Variants in CACNA1D observed in about 807,000 individuals in gnomAD.
CACNA1D encodes the protein voltage-dependent L-type calcium channel subunit alpha-1D.
Under a neutral mutation model 257.1 loss-of-function variants are expected in CACNA1D, and 55 were observed. The observed-to-expected ratio is 0.21, with a 90% CI of 0.17 to 0.27. CACNA1D has a LOEUF of 0.27. Ranked by LOEUF, CACNA1D falls within the 10% of genes least tolerant of loss-of-function variation. The pLI is 1.00. For missense variants in CACNA1D, 1,876 were observed against 2,784.0 expected (o/e 0.67, Z 7.34); for synonymous variants, 980 against 1,014.9 (o/e 0.97, Z 0.65).
chr3:53,791,179 C>A, intron 40 of CACNA1D: 1 of 602,212 alleles, frequency 1.7e-6, no homozygotes. Context: ...AGCACTCCTC[C>A]GGAAGGTGGA....
intron 3 of CACNA1D, among the ~76,000 whole-genome samples, chr3:53,636,394 C>T (rs1283602128): frequency 6.6e-6 from 1 of 152,190 alleles, no homozygotes; most frequent in East Asian, 1.9e-4. Flanking sequence ...ACCACGGCCT[C>T]CTGGGTTCAA....
At chr3:53,721,175 C>G (rs931941197) in intron 11 of CACNA1D, among the ~76,000 whole-genome samples, 9 of 152,232 alleles carry the variant, frequency 5.9e-5, no homozygotes, top group Admixed American at 2.6e-4. Context: ...TTAGAAGCTG[C>G]TCTTTCCATT....
Position 53,811,475 on chromosome 3 carries a change from ATAGT to A in CACNA1D, c.*73_*76del. On this transcript the variant is annotated 3_prime_UTR_variant, in exon 48 of 48. Coordinates refer to ENST00000350061, the MANE Select transcript of CACNA1D (RefSeq NM_001128840.3). This position sits in a 1 kb window ranked among gnomAD's most constrained non-coding sequence, Gnocchi z 4.2. ...AGGAGAGCCAGGGGAAAAGTGCCTC[ATAGT>A]TAGGAAAGTTTAGGCACTAGTTGGG... 7.4e-7 allele frequency: 1 copy of A among 1,347,738 alleles called. No individual in the cohort carries two copies. The highest frequency in any genetic ancestry group is 1.0e-6 in the Non-Finnish European group (1 of 1,000,322). The allele number at this position is 1,347,738 out of a possible 1,614,324, so 83.5% of individuals were successfully genotyped here. A position where few individuals can be genotyped will look rare whatever the true frequency, so the allele number is the denominator to read the frequency against.
At position 53,776,080 on chromosome 3, in the gene CACNA1D, C is replaced by T. The variant is rs2095395256; in HGVS notation, c.4362+35C>T. 2.5e-6 allele frequency: 4 copies of T among 1,590,866 alleles called. No individual in the cohort carries two copies. The East Asian group carries it at 6.7e-5, about 27-fold the overall frequency. On this transcript the variant is annotated intron_variant, in intron 35 of 47. Coordinates refer to ENST00000350061, the MANE Select transcript of CACNA1D (RefSeq NM_001128840.3). The stretch of plus-strand genomic sequence containing the variant: ...CAACACAGCTCCCCCTCTCAATTTA[C>T]AGATGCTTATGTAGCAGTCAGCGTT...
chr3:53,511,612 G>A (rs970108745), intron 3 of CACNA1D, among the ~76,000 whole-genome samples: 1 of 152,108 alleles, frequency 6.6e-6, no homozygotes, highest in African/African-American at 2.4e-5. Context: ...TTAAACTGTG[G>A]TATAATGAAA....
chr3:53,724,298 G>A (rs1450961965), intron 14 of CACNA1D, among the ~76,000 whole-genome samples: 5 of 152,200 alleles, frequency 3.3e-5, no homozygotes, highest in African/African-American at 1.2e-4. Flanking sequence ...TTGATTTTAT[G>A]AGGTTTCTTT....
intron 20 of CACNA1D, among the ~76,000 whole-genome samples, chr3:53,736,363 A>G (rs921628576): frequency 6.6e-6 from 1 of 152,112 alleles, no homozygotes; most frequent in Admixed American, 6.5e-5. Context: ...AAGAATATAT[A>G]ATGAATGTTA....
Position 53,780,112 on chromosome 3 carries a change from T to A in CACNA1D, c.4674T>A (p.Leu1558=), listed in dbSNP as rs1240300584. Residue 1558 remains leucine (L), a synonymous_variant, in exon 38 of 48, where the codon CTT becomes CTA. Coordinates refer to ENST00000350061, the MANE Select transcript of CACNA1D (RefSeq NM_001128840.3). ...TGTTTGCTTTGGTTCGAACGGCTCT[T>A]AAGATCAAGACCGAAGGTGAGCATT... ...ATLFALVRTA[L]KIKTEGNLEQ... is the part of the protein sequence containing the mutation. 6.2e-7 allele frequency: 1 copy of A among 1,613,268 alleles called. No individual in the cohort carries two copies.
Position 53,571,558 on chromosome 3 carries a change from T to C in CACNA1D, c.483+69838T>C, listed in dbSNP as rs576710599. ...GTAGTCTCACTTAGGCCTTTCATAA[T>C]AGTCATGACAGGTTCTCTGTGGTCA... On this transcript the variant is annotated intron_variant, in intron 3 of 47. Transcript: ENST00000350061. 2.0e-5 allele frequency among the ~76,000 whole-genome samples: 3 copies of C among 152,046 alleles called. No homozygotes were observed. The South Asian group carries it at 6.3e-4, about 32-fold the overall frequency.
intron 3 of CACNA1D, among the ~76,000 whole-genome samples, chr3:53,514,384 C>T (rs113622197): frequency 0.031 from 4,353 of 142,072 alleles, 224 homozygotes; most frequent in African/African-American, 0.1. Flanking sequence ...CTTTTGGGGG[C>T]GTGGGGGGTG....
rs545882567 is a variant in CACNA1D at position 53,609,272 on chromosome 3, C to T, written c.484-41507C>T. Among the ~76,000 whole-genome samples, 97 of 151,772 alleles carry T rather than the reference C, an allele frequency of 6.4e-4. 1 individual carries two copies. Among genetic ancestry groups the T allele is most frequent in the Non-Finnish European group, 1.2e-3 (79 of 67,932 alleles). On this transcript the variant is annotated intron_variant, in intron 3 of 47. Transcript: ENST00000350061. ...AAAAATACAAAAAATTAGCTGGGCA[C>T]GGTGGTGGGCACCTGTAGTCCCAGC... is the stretch of plus-strand genomic sequence containing the variant.
intron 3 of CACNA1D, among the ~76,000 whole-genome samples, chr3:53,561,795 G>A (rs563247600): frequency 2.6e-4 from 39 of 152,234 alleles, no homozygotes; most frequent in African/African-American, 8.7e-4. Context: ...TACCTCGTTT[G>A]GAATTTGTTC....
chr3:53,801,670 T>C (rs1165755327), intron 42 of CACNA1D, among the ~76,000 whole-genome samples: 3 of 152,144 alleles, frequency 2.0e-5, no homozygotes, highest in African/African-American at 7.2e-5. Flanking sequence ...CGAGGGACCT[T>C]AAAACAGCAG....
intron 8 of CACNA1D, among the ~76,000 whole-genome samples, chr3:53,693,172 C>T (rs886621283): frequency 6.6e-6 from 1 of 152,204 alleles, no homozygotes; most frequent in Non-Finnish European, 1.5e-5. Context: ...TTCTTGGCAG[C>T]TGTGTTTCAT....
intron 4 of CACNA1D, 54 bp downstream of exon 4, chr3:53,650,972 T>C (rs988661363): frequency 2.9e-5 from 42 of 1,443,928 alleles, no homozygotes; most frequent in Non-Finnish European, 3.7e-5. Context: ...GAGGTGGAGG[T>C]TGGGGGGGGT....
rs1218625153 is a variant in CACNA1D, at chr3:53,584,997, C to T, written c.484-65782C>T. ...TTCCTGAAGAATGAAAAGCTTAATT[C>T]GTGCCTTTTCTTTATGCTACTTGTT... is the stretch of plus-strand genomic sequence containing the variant. On this transcript the variant is annotated intron_variant, in intron 3 of 47. Coordinates refer to ENST00000350061, the MANE Select transcript of CACNA1D (RefSeq NM_001128840.3). 4.0e-5 allele frequency among the ~76,000 whole-genome samples: 6 copies of T among 150,538 alleles called. No individual in the cohort carries two copies. The East Asian group carries it at 7.8e-4, about 19-fold the overall frequency.
At chr3:53,515,261 G>A (rs1441095442) in intron 3 of CACNA1D, among the ~76,000 whole-genome samples, 1 of 152,102 alleles carries the variant, frequency 6.6e-6, no homozygotes, top group Non-Finnish European at 1.5e-5. Context: ...GCTTGGCCCA[G>A]GTGGGAGCCC....
At chr3:53,770,284 C>G in intron 31 of CACNA1D, 140 bp from the exon 32 acceptor site, 1 of 892,152 alleles carries the variant, frequency 1.1e-6, no homozygotes, top group Non-Finnish European at 1.9e-6. Context: ...CCTTTCATAT[C>G]ATGCTTTTTA....
At chr3:53,514,862 T>A (rs1193655998) in intron 3 of CACNA1D, among the ~76,000 whole-genome samples, 1 of 152,188 alleles carries the variant, frequency 6.6e-6, no homozygotes, top group Non-Finnish European at 1.5e-5. Context: ...GCCATTTTTT[T>A]AGGTGTTCTT....
Sources: allele counts gnomAD v4.1 joint callset (sites outside exome capture counted in the v4.1 genomes callset), GRCh38; gene constraint gnomAD v4.1.1; non-coding constraint Gnocchi (gnomAD v3.1); transcripts MANE v1.5; gene names NCBI Gene and HGNC (gene_info 2026-07-23, HGNC 2026-07-21).